The following NEURL1B variants were observed in gnomAD, a reference collection of about 807,000 sequenced individuals.
NEURL1B encodes E3 ubiquitin-protein ligase NEURL1B.
NEURL1B carries 13 observed loss-of-function variants against 37.4 expected under a neutral mutation model. The observed-to-expected ratio is 0.35, with a 90% CI of 0.23 to 0.55. NEURL1B has a LOEUF of 0.55. Among genes scored for constraint, NEURL1B ranks in the 20% least tolerant of loss-of-function variants. The pLI is 0.89. For missense variants in NEURL1B, 790 were observed against 879.2 expected (o/e 0.90, Z 1.28); for synonymous variants, 432 against 426.6 (o/e 1.01, Z -0.16).
At chr5:172,654,838 G>A (rs1047607016) in intron 1 of NEURL1B, among the ~76,000 whole-genome samples, 4 of 152,040 alleles carry the variant, frequency 2.6e-5, no homozygotes, top group African/African-American at 7.2e-5. Flanking sequence ...ATAGGGTCAC[G>A]GAGAAGACCT....
chr5:172,647,796 G>C lies in NEURL1B; in HGVS notation c.31+6359G>C, dbSNP rs200691834. On this transcript the variant is annotated intron_variant, in intron 1 of 4. Coordinates refer to ENST00000369800, the MANE Select transcript of NEURL1B (RefSeq NM_001142651.3). The surrounding 1 kb of genome is among the most constrained non-coding windows in gnomAD (Gnocchi z 4.2). ...GGGAATCTTGCCTGAGAGGAGACGG[G>C]GTGAGCTTGAGTTCTGTGCTCCTTC... 1.3e-5 allele frequency among the ~76,000 whole-genome samples: 2 copies of C among 152,082 alleles called. No individual in the cohort carries two copies. Among genetic ancestry groups the C allele is most frequent in the South Asian group, 4.1e-4 (2 of 4,824 alleles).
At chr5:172,654,452 T>C (rs1181429471) in intron 1 of NEURL1B, among the ~76,000 whole-genome samples, 1 of 152,200 alleles carries the variant, frequency 6.6e-6, no homozygotes, top group Non-Finnish European at 1.5e-5. Context: ...CTTTGCGTGG[T>C]AATTAATTAA....
At chr5:172,668,721 G>T (rs1561647478) in intron 1 of NEURL1B, among the ~76,000 whole-genome samples, 1 of 152,192 alleles carries the variant, frequency 6.6e-6, no homozygotes, top group African/African-American at 2.4e-5. Flanking sequence ...TGTGCGAAGA[G>T]CAGCAGAGAT....
intron 1 of NEURL1B, among the ~76,000 whole-genome samples, chr5:172,648,779 C>T (rs1407870917): frequency 1.3e-5 from 2 of 152,228 alleles, no homozygotes; most frequent in African/African-American, 4.8e-5. Flanking sequence ...TCTCACATCG[C>T]ACCTCTAGGC....
chr5:172,655,585 C>T lies in NEURL1B; in HGVS notation c.31+14148C>T, dbSNP rs184567247. Among the ~76,000 whole-genome samples, 485 of 152,304 alleles carry T rather than the reference C, an allele frequency of 3.2e-3. 4 individuals carry two copies. Among genetic ancestry groups the T allele is most frequent in the Non-Finnish European group, 6.1e-3 (413 of 68,028 alleles). ...ACACCACCAGCAGGGTGGTCATTCA[C>T]GCACACACACATTTAGCCCTCCAGA... On this transcript the variant is annotated intron_variant, in intron 1 of 4. Coordinates refer to ENST00000369800, the MANE Select transcript of NEURL1B (RefSeq NM_001142651.3).
rs113890663 is a variant in NEURL1B at position 172,657,890 on chromosome 5, C to T, written c.32-11895C>T. 0.035 allele frequency among the ~76,000 whole-genome samples: 5,353 copies of T among 152,226 alleles called. 160 individuals carry two copies. Among genetic ancestry groups the T allele is most frequent in the African/African-American group, 0.077 (3,186 of 41,504 alleles). ...ATACTCCTGGTTCCTCTTTGAAGTT[C>T]GTAGTAGATAGTGGTAGAAGGAATA... On this transcript the variant is annotated intron_variant, in intron 1 of 4. Transcript: ENST00000369800. This position sits in a 1 kb window ranked among gnomAD's most constrained non-coding sequence, Gnocchi z 4.0.
chr5:172,684,648 G>C lies in NEURL1B; in HGVS notation c.1297+510G>C, dbSNP rs531837832. ...TCCACAGAAAGTGGAATGGAGGCCT[G>C]AACCATCCTATTTTGAGATAATTTT... On this transcript the variant is annotated intron_variant, in intron 3 of 4. Coordinates refer to ENST00000369800, the MANE Select transcript of NEURL1B (RefSeq NM_001142651.3). Among the ~76,000 whole-genome samples the C allele has an allele frequency of 2.6e-5, 4 of 152,338 alleles. No individual in the cohort carries two copies. The Middle Eastern group carries it at 0.01, about 389-fold the overall frequency.
intron 2 of NEURL1B, among the ~76,000 whole-genome samples, chr5:172,680,799 T>C (rs1181833835): frequency 6.6e-6 from 1 of 152,238 alleles, no homozygotes; most frequent in African/African-American, 2.4e-5. Flanking sequence ...TGATGTTATA[T>C]CATAGGTATT....
At position 172,655,149 on chromosome 5, in the gene NEURL1B, T is replaced by TG. The variant is rs534650571; in HGVS notation, c.31+13719dup. Among the ~76,000 whole-genome samples, 427 of 151,872 alleles carry TG rather than the reference T, an allele frequency of 2.8e-3. 2 individuals carry two copies. The highest frequency in any genetic ancestry group is 4.0e-3 in the Non-Finnish European group (274 of 67,930). On this transcript the variant is annotated intron_variant, in intron 1 of 4. Transcript: ENST00000369800. ...GCTCTTTCTTCCCCCAAGAAGAAAGTGGGGGGGTTGTGTGAGGTTCAACCC... is the reference window on the plus strand; with the variant it reads ...GCTCTTTCTTCCCCCAAGAAGAAAGTGGGGGGGGTTGTGTGAGGTTCAACCC...
intron 3 of NEURL1B, among the ~76,000 whole-genome samples, chr5:172,684,883 G>C (rs1758459941): frequency 6.6e-6 from 1 of 152,196 alleles, no homozygotes; most frequent in South Asian, 2.1e-4. Context: ...TTCAGAGAAG[G>C]CTTCCCAGAG....
At position 172,689,926 on chromosome 5, in the gene NEURL1B, A is replaced by T. The variant is rs576225026; in HGVS notation, c.*3001A>T. The T allele has an allele frequency of 5.9e-5, 9 of 152,252 alleles. 1 individual carries two copies. In the South Asian group the frequency reaches 1.9e-3, roughly 32 times the overall value. 9.4% of individuals were successfully genotyped at this position (152,252 alleles called of 1,614,324 possible). On this transcript the variant is annotated 3_prime_UTR_variant, in exon 5 of 5. Coordinates refer to ENST00000369800, the MANE Select transcript of NEURL1B (RefSeq NM_001142651.3). ...GTCTGAGAGATCTGGACTCCAACCC[A>T]AGGGCCCTCTCTTGTTATTCAGGGG...
chr5:172,663,829 T>TTTTTATTATTATTATTA (rs138220033), intron 1 of NEURL1B, among the ~76,000 whole-genome samples: 1 of 140,826 alleles, frequency 7.1e-6, no homozygotes, highest in Non-Finnish European at 1.5e-5. Context: ...GTTTTATTTG[T>TTTTTATTATTATTATTA]TTATTATTAT....
Position 172,683,859 on chromosome 5 carries a change from T to A in NEURL1B, c.1018T>A (p.Phe340Ile). 1 of 1,370,026 alleles carries A rather than the reference T, an allele frequency of 7.3e-7. No individual in the cohort carries two copies. 84.9% of individuals were successfully genotyped at this position (1,370,026 alleles called of 1,614,324 possible). A position where few individuals can be genotyped will look rare whatever the true frequency, so the allele number is the denominator to read the frequency against. ...PGLAAPGALA[F>I]GITSCDPGVL... ...GCTGGCGGCGCCCGGCGCGCTGGCC[T>A]TCGGCATCACGTCGTGCGACCCGGG... Residue 340 changes from phenylalanine (F) to isoleucine (I), a missense_variant, in exon 3 of 5, where the codon TTC (phenylalanine) becomes ATC (isoleucine). By Grantham distance (21) the Phe-to-Ile change is conservative (BLOSUM62 0). Around this residue, in one of 3 missense-constraint regions of NEURL1B, gnomAD observed 460 missense variants for 407.4 expected, o/e 1.13. Coordinates refer to ENST00000369800, the MANE Select transcript of NEURL1B (RefSeq NM_001142651.3). This position sits in a 1 kb window ranked among gnomAD's most constrained non-coding sequence, Gnocchi z 5.6.
chr5:172,680,687 AC>A (rs1758334824), intron 2 of NEURL1B, among the ~76,000 whole-genome samples: 1 of 152,262 alleles, frequency 6.6e-6, no homozygotes, highest in African/African-American at 2.4e-5. Flanking sequence ...ATAACCACTC[AC>A]ATTTTAATGT....
chr5:172,663,395 C>T (rs1757940314), intron 1 of NEURL1B, among the ~76,000 whole-genome samples: 1 of 151,888 alleles, frequency 6.6e-6, no homozygotes, highest in Non-Finnish European at 1.5e-5. Flanking sequence ...GTGGCGGGCG[C>T]CTGTAGTCCC....
chr5:172,643,055 C>T (rs912971829), intron 1 of NEURL1B, among the ~76,000 whole-genome samples: 1 of 152,236 alleles, frequency 6.6e-6, no homozygotes, highest in African/African-American at 2.4e-5. Context: ...AAGGGACAGA[C>T]ACACGCCAGG....
At position 172,675,206 on chromosome 5, in the gene NEURL1B, G is replaced by A. The variant is rs57443727; in HGVS notation, c.577+4876G>A. Among the ~76,000 whole-genome samples the A allele has an allele frequency of 0.071, 10,797 of 152,146 alleles. 448 individuals are homozygous for A. The highest frequency in any genetic ancestry group is 0.15 in the South Asian group (716 of 4,814). ...GTATCTTTTAAAAATAGGTAGATTT[G>A]TTTTATATGCTTATGTGGATGGTAT... is the stretch of plus-strand genomic sequence containing the variant. On this transcript the variant is annotated intron_variant, in intron 2 of 4. Coordinates refer to ENST00000369800, the MANE Select transcript of NEURL1B (RefSeq NM_001142651.3). This position sits in a 1 kb window ranked among gnomAD's most constrained non-coding sequence, Gnocchi z 4.7.
chr5:172,682,852 C>T (rs1015878151), intron 2 of NEURL1B, among the ~76,000 whole-genome samples: 8 of 152,216 alleles, frequency 5.3e-5, no homozygotes, highest in Non-Finnish European at 7.3e-5. Context: ...TCATGTTCCC[C>T]AACCCCTCTG....
At position 172,641,734 on chromosome 5, in the gene NEURL1B, G is replaced by T. The variant is rs1325141464; in HGVS notation, c.31+297G>T. Among the ~76,000 whole-genome samples, 50 of 152,370 alleles carry T rather than the reference G, an allele frequency of 3.3e-4. No individual in the cohort carries two copies. The highest frequency in any genetic ancestry group is 3.5e-4 in the Non-Finnish European group (24 of 68,032). ...CGATGCCGCGCGCCCCCTCGCCTTT[G>T]TTCCAGCCCGAGGGCGCTGATGAGC... On this transcript the variant is annotated intron_variant, in intron 1 of 4. Transcript: ENST00000369800. The surrounding 1 kb of genome is among the most constrained non-coding windows in gnomAD (Gnocchi z 6.4).
Sources: gnomAD v4.1 joint callset for allele counts (sites outside exome capture counted in the v4.1 genomes callset) on GRCh38, gnomAD v4.1.1 for gene constraint, gnomAD v4.1.1 regional missense constraint, Gnocchi (gnomAD v3.1) non-coding constraint, MANE v1.5 for transcripts, NCBI Gene and HGNC (gene_info 2026-07-23, HGNC 2026-07-21) for gene names.